STAT3: variants seen among roughly 807,000 people sequenced by gnomAD.
STAT3 encodes DNA-binding protein APRF.
Under a neutral mutation model 114.3 loss-of-function variants are expected in STAT3, and 7 were observed. The ratio of observed to expected loss-of-function variants is 0.06; its 90% CI spans 0.03 to 0.11. The LOEUF is 0.11. STAT3 is among the 10% of genes least tolerant of loss of function. The pLI is 1.00. For missense variants in STAT3, 364 were observed against 960.9 expected, an observed-to-expected ratio of 0.38 and a Z score of 8.21; for synonymous variants, 331 against 354.5, an observed-to-expected ratio of 0.93 and a Z score of 0.74.
chr17:42,382,897 C>A (rs1226280110), intron 1 of STAT3, among the ~76,000 whole-genome samples: 1 of 152,132 alleles, frequency 6.6e-6, no homozygotes, highest in Non-Finnish European at 1.5e-5. Context: ...CCGCCCACAG[C>A]CTCCCAAAGT....
intron 1 of STAT3, among the ~76,000 whole-genome samples, chr17:42,359,378 C>G (rs1002295025): frequency 1.3e-5 from 2 of 152,116 alleles, no homozygotes; most frequent in Non-Finnish European, 2.9e-5. Flanking sequence ...ACACTCTTAT[C>G]ATATCGGGAG....
Position 42,346,547 on chromosome 17 carries a change from T to C in STAT3, c.273+22A>G, listed in dbSNP as rs2291282. The C allele has an allele frequency of 4.4e-4, 712 of 1,614,084 alleles. 7 individuals carry two copies. The East Asian group carries it at 0.013, about 30-fold the overall frequency. On this transcript the variant is annotated intron_variant, in intron 3 of 23. Coordinates refer to ENST00000264657, the MANE Select transcript of STAT3 (RefSeq NM_139276.3). ...CGACTCTGCGGGTCCTGTTTCTCCT[T>C]GTCCTCAGTTTCTCATCATACCTGA... is the stretch of plus-strand genomic sequence containing the variant.
intron 1 of STAT3, among the ~76,000 whole-genome samples, chr17:42,363,910 G>A (rs1359392278): frequency 6.6e-6 from 1 of 151,968 alleles, no homozygotes; most frequent in Non-Finnish European, 1.5e-5. Context: ...TGTCAGACAG[G>A]CTCTCCCTAA....
At chr17:42,334,122 A>G (rs1022430227) in intron 8 of STAT3, 73 bp from the exon 9 acceptor site, 143 of 1,565,652 alleles carry the variant, frequency 9.1e-5, no homozygotes, top group Admixed American at 5.0e-5. Context: ...GGGGAAGGAA[A>G]TACTGAAGAC....
chr17:42,319,568 A>G (rs867871960), intron 21 of STAT3, among the ~76,000 whole-genome samples: 2,075 of 141,404 alleles, frequency 0.015, 74 homozygotes, highest in African/African-American at 0.05. Context: ...AAAAAAAAAA[A>G]GCTGAGAAAA....
At chr17:42,353,509 A>C (rs1392160543) in intron 1 of STAT3, among the ~76,000 whole-genome samples, 6 of 152,342 alleles carry the variant, frequency 3.9e-5, no homozygotes, top group Non-Finnish European at 7.3e-5. Flanking sequence ...CTCCTAAAAA[A>C]AAATGATTTA....
intron 2 of STAT3, among the ~76,000 whole-genome samples, chr17:42,346,980 G>A (rs940323604): frequency 3.3e-5 from 5 of 152,082 alleles, no homozygotes; most frequent in Admixed American, 6.6e-5. Flanking sequence ...CCTGAGGTCA[G>A]GAGTTCCAGA....
chr17:42,345,267 G>GAA (rs1156741636), intron 4 of STAT3: 258 of 272,236 alleles, frequency 9.5e-4, no homozygotes, highest in Middle Eastern at 2.3e-3. Context: ...CTCTGTCTCA[G>GAA]AAAAAAAAAA....
At chr17:42,358,740 TG>T (rs1371289135) in intron 1 of STAT3, among the ~76,000 whole-genome samples, 5 of 152,100 alleles carry the variant, frequency 3.3e-5, no homozygotes, top group Admixed American at 6.6e-5. Flanking sequence ...TCTTTGGGAA[TG>T]GTATTTCACT....
At chr17:42,342,577 A>G (rs1011083507) in intron 4 of STAT3, among the ~76,000 whole-genome samples, 5 of 152,156 alleles carry the variant, frequency 3.3e-5, no homozygotes, top group Admixed American at 3.3e-4. Context: ...AAAGCAGTTA[A>G]ATTATTTTGC....
intron 1 of STAT3, among the ~76,000 whole-genome samples, chr17:42,386,778 G>T (rs1487296250): frequency 1.3e-5 from 2 of 152,172 alleles, no homozygotes; most frequent in Non-Finnish European, 1.5e-5. Flanking sequence ...ATGGTTCTTT[G>T]TGATGGATGT....
In STAT3 at chr17:42,314,336, T is replaced by C; in HGVS notation, c.*1409A>G. On this transcript the variant is annotated 3_prime_UTR_variant, in exon 24 of 24. Transcript: ENST00000264657. ...AACCAGACACGTCGCTGGGGCCCCA[T>C]AGTGTGCATCATGTCCAACCTGTAA... The C allele has an allele frequency of 4.3e-6, 1 of 233,114 alleles. No homozygotes were observed. Among genetic ancestry groups the C allele is most frequent in the African/African-American group, 2.2e-5 (1 of 45,398 alleles). The allele number at this position is 233,114 out of a possible 1,614,324, so 14.4% of individuals were successfully genotyped here.
At chr17:42,336,745 T>TA (rs2082243729) in intron 8 of STAT3, among the ~76,000 whole-genome samples, 1 of 152,142 alleles carries the variant, frequency 6.6e-6, no homozygotes, top group Non-Finnish European at 1.5e-5. Flanking sequence ...TGATTTCATT[T>TA]AAAAATTTTT....
Position 42,321,927 on chromosome 17 carries a change from G to C in STAT3, c.2101+355C>G, listed in dbSNP as rs148656225. ...CAGCCTTGAACTCCTTGGCTCAGGT[G>C]ATCCTCCCACCTCAGCCTCCCAAGT... On this transcript the variant is annotated intron_variant, in intron 21 of 23. Coordinates refer to ENST00000264657, the MANE Select transcript of STAT3 (RefSeq NM_139276.3). Among the ~76,000 whole-genome samples, 672 of 152,190 alleles carry C rather than the reference G, an allele frequency of 4.4e-3. 1 individual carries two copies. The highest frequency in any genetic ancestry group is 0.015 in the African/African-American group (642 of 41,518).
chr17:42,380,559 A>G (rs2084729427), intron 1 of STAT3, among the ~76,000 whole-genome samples: 1 of 147,764 alleles, frequency 6.8e-6, no homozygotes, highest in African/African-American at 2.5e-5. Context: ...TAATTTTTAT[A>G]TTTTTAGTAG....
At chr17:42,382,607 A>G (rs2084861520) in intron 1 of STAT3, among the ~76,000 whole-genome samples, 1 of 151,444 alleles carries the variant, frequency 6.6e-6, no homozygotes, top group East Asian at 1.9e-4. Flanking sequence ...GGCTCTCAAC[A>G]TGTTTGCTGA....
chr17:42,339,579 A>T (rs2082358468), intron 4 of STAT3, among the ~76,000 whole-genome samples, 170 bp from the exon 5 acceptor site: 1 of 152,198 alleles, frequency 6.6e-6, no homozygotes, highest in Non-Finnish European at 1.5e-5. Flanking sequence ...CACAGGTGAC[A>T]CTACACAGGT....
chr17:42,333,654 T>TCTCTACA lies in STAT3; in HGVS notation c.1049+18_1049+19insTGTAGAG, dbSNP rs1567718064. Reference sequence around the variant, plus strand: ...CCCTCAGTAAAATCTCTACTGGAAATGGAAGTGGCATGGCCTACCTGACTT... The same window carrying TCTCTACA: ...CCCTCAGTAAAATCTCTACTGGAAATCTCTACAGGAAGTGGCATGGCCTACCTGACTT... On this transcript the variant is annotated intron_variant, in intron 10 of 23. Coordinates refer to ENST00000264657, the MANE Select transcript of STAT3 (RefSeq NM_139276.3). This position sits in a 1 kb window ranked among gnomAD's most constrained non-coding sequence, Gnocchi z 5.2. 1 of 1,613,690 alleles carries TCTCTACA rather than the reference T, an allele frequency of 6.2e-7. No homozygotes were observed. The highest frequency in any genetic ancestry group is 8.5e-7 in the Non-Finnish European group (1 of 1,179,720).
chr17:42,368,710 T>G (rs971879248), intron 1 of STAT3, among the ~76,000 whole-genome samples: 1 of 151,356 alleles, frequency 6.6e-6, no homozygotes, highest in Non-Finnish European at 1.5e-5. Context: ...TCTGCCTGCC[T>G]CAGCCTCCCA....
Sources: gnomAD v4.1 joint callset for allele counts (sites outside exome capture counted in the v4.1 genomes callset) on GRCh38, gnomAD v4.1.1 for gene constraint, Gnocchi (gnomAD v3.1) non-coding constraint, MANE v1.5 for transcripts, NCBI Gene and HGNC (gene_info 2026-07-23, HGNC 2026-07-21) for gene names.